The following RYR1 variants were observed in gnomAD, a reference collection of about 807,000 sequenced individuals.
RYR1 encodes central core disease of muscle.
In RYR1, 342 loss-of-function variants were observed where a neutral mutation model predicts 583.5. That is an observed-to-expected ratio of 0.59 (90% confidence interval 0.54 to 0.64). The LOEUF (loss-of-function observed/expected upper bound fraction) is 0.64. Among genes scored for constraint, RYR1 ranks in the 30% least tolerant of loss-of-function variants. The pLI, the probability that RYR1 is intolerant of heterozygous loss-of-function variation, is 0.00. For missense variants in RYR1, 6,032 were observed against 6,917.2 expected (o/e 0.87, Z 4.54); for synonymous variants, 2,791 against 2,822.5 (o/e 0.99, Z 0.35).
At chr19:38,453,073 GGGCGGGGCCAC>G in intron 13 of RYR1, 59 bp downstream of exon 13, 1 of 1,575,178 alleles carries the variant, frequency 6.3e-7, no homozygotes, top group Non-Finnish European at 8.7e-7. Context: ...GACCACTGAG[GGGCGGGGCCAC>G]GGCGCTGGGC....
At chr19:38,495,219 AG>A (rs535965419) in intron 39 of RYR1, among the ~76,000 whole-genome samples, 230 of 152,204 alleles carry the variant, frequency 1.5e-3, no homozygotes, top group Admixed American at 4.2e-3. Context: ...CCTACTCTGA[AG>A]GGTTGTGCTG....
chr19:38,517,437 G>A lies in RYR1; in HGVS notation c.9764G>A (p.Gly3255Glu), dbSNP rs1163320166. The change falls in exon 66 of 106, where the codon GGG becomes GAG. Residue 3255 changes from glycine (G) to glutamate (E), a missense_variant. By Grantham distance (98) the Gly-to-Glu change is moderately conservative. This residue lies in a region of RYR1 where 1,493 missense variants were observed against 1,715.5 expected (regional missense o/e 0.87). Coordinates refer to ENST00000359596, the MANE Select transcript of RYR1 (RefSeq NM_000540.3). ...GAGCGGCTCATGGCAGACATTGGGG[G>A]GCTGGCCGAGTCAGGTGCCCGCTAC... ...VLERLMADIGGLAESGARYTE... is the reference protein window; with the variant it reads ...VLERLMADIGELAESGARYTE... 3.1e-6 allele frequency: 5 copies of A among 1,613,938 alleles called. No homozygotes were observed. The African/African-American group carries it at 6.7e-5, about 22-fold the overall frequency.
intron 99 of RYR1, among the ~76,000 whole-genome samples, chr19:38,579,452 G>A (rs750108083): frequency 1.3e-5 from 2 of 151,390 alleles, no homozygotes; most frequent in East Asian, 1.9e-4. Context: ...AATTAGCTGG[G>A]TGTGGTTACC....
intron 20 of RYR1, among the ~76,000 whole-genome samples, chr19:38,462,961 A>G (rs766746414): frequency 4.1e-5 from 6 of 144,900 alleles, no homozygotes; most frequent in Admixed American, 1.5e-4. Context: ...CAGTGGCACA[A>G]TCTTGGCTCA....
chr19:38,577,796 A>G (rs1974023292), intron 97 of RYR1, 122 bp from the exon 98 acceptor site: 5 of 1,378,096 alleles, frequency 3.6e-6, no homozygotes, highest in Non-Finnish European at 5.0e-6. Flanking sequence ...ACTGTCTCAA[A>G]AAAAAAAATG....
intron 28 of RYR1, 29 bp downstream of exon 28, chr19:38,473,800 T>C (rs1232100978): frequency 6.8e-7 from 1 of 1,473,930 alleles, no homozygotes; most frequent in Non-Finnish European, 9.0e-7. Flanking sequence ...AGAGTGGGGA[T>C]TGGGGGCTGC....
In RYR1 at chr19:38,543,216, T is replaced by G; in HGVS notation, c.11690-131T>G. The G allele has an allele frequency of 1.3e-6, 1 of 784,120 alleles. No homozygotes were observed. The allele number at this position is 784,120 out of a possible 1,614,324, so 48.6% of individuals were successfully genotyped here. ...AGTACTTGATAGTTATTAAATAAAT[T>G]GATGATGATATGCTTTCTGGCATAC... On this transcript the variant is annotated intron_variant, in intron 84 of 105. Coordinates refer to ENST00000359596, the MANE Select transcript of RYR1 (RefSeq NM_000540.3). The surrounding 1 kb of genome is among the most constrained non-coding windows in gnomAD (Gnocchi z 4.4).
rs916928825 is a variant in RYR1, at chr19:38,536,766, C to T, written c.11607C>T (p.Asn3869=). The change falls in exon 83 of 106, where the codon AAC becomes AAT. Residue 3869 remains asparagine (N), a splice_region_variant and synonymous_variant. Transcript: ENST00000359596. Reference sequence around the variant, plus strand: ...CTGCCCCAGTCATCAATCGCCAGAACGGTAATTCCCCCAGCCCACCCCCGT... The same window carrying T: ...CTGCCCCAGTCATCAATCGCCAGAATGGTAATTCCCCCAGCCCACCCCCGT... ...NEDGTVINRQ[N]GEKVMADDEF... The T allele has an allele frequency of 4.3e-6, 7 of 1,613,734 alleles. No homozygotes were observed. The highest frequency in any genetic ancestry group is 1.7e-5 in the Admixed American group (1 of 59,968).
At chr19:38,568,581 CAAAAAAAAA>C (rs59369147) in intron 93 of RYR1, among the ~76,000 whole-genome samples, 1 of 64,900 alleles carries the variant, frequency 1.5e-5, no homozygotes, top group African/African-American at 4.4e-5. Flanking sequence ...ACTAAAAATA[CAAAAAAAAA>C]AAAAAAAAAA....
At position 38,512,492 on chromosome 19, in the gene RYR1, G is replaced by A. The variant is rs1392237616; in HGVS notation, c.9472+9G>A. The A allele has an allele frequency of 9.3e-6, 15 of 1,608,034 alleles. No individual in the cohort carries two copies. The highest frequency in any genetic ancestry group is 2.2e-5 in the East Asian group (1 of 44,894). On this transcript the variant is annotated intron_variant, in intron 63 of 105. Transcript: ENST00000359596. This position sits in a 1 kb window ranked among gnomAD's most constrained non-coding sequence, Gnocchi z 5.1. ...CGGAGATGACGTCATCCGTAAGGGC[G>A]CCTGACCCAAGGGCAGGTTGCGGGG...
In RYR1 at chr19:38,444,163, T is replaced by A. The variant is rs1972827404; in HGVS notation, c.439T>A (p.Trp147Arg). Residue 147 changes from tryptophan to arginine, a missense_variant, in exon 6 of 106, where the codon TGG (tryptophan) becomes AGG (arginine). Around this residue, in one of 11 missense-constraint regions of RYR1, gnomAD observed 338 missense variants for 441.6 expected, o/e 0.77. Coordinates refer to ENST00000359596, the MANE Select transcript of RYR1 (RefSeq NM_000540.3). This position sits in a 1 kb window ranked among gnomAD's most constrained non-coding sequence, Gnocchi z 5.1. ...CCCACCCATAGGAGAGGCTTGCTGG[T>A]GGACCATGCACCCAGCCTCCAAGCA... ...QEDATGEACW[W>R]TMHPASKQRS... is the part of the protein sequence containing the mutation. 6.2e-7 allele frequency: 1 copy of A among 1,613,744 alleles called. No homozygotes were observed. Among genetic ancestry groups the A allele is most frequent in the Non-Finnish European group, 8.5e-7 (1 of 1,179,746 alleles).
rs200124525 is a variant in RYR1 at position 38,504,400 on chromosome 19, G to A, written c.8067+40G>A. ...GAGCCCCAAAATGGCCTATGTGGAGGGTTTGGGGCCCAAAATTGGGGGTCC... is the reference window on the plus strand; with the variant it reads ...GAGCCCCAAAATGGCCTATGTGGAGAGTTTGGGGCCCAAAATTGGGGGTCC... On this transcript the variant is annotated intron_variant, in intron 50 of 105. Coordinates refer to ENST00000359596, the MANE Select transcript of RYR1 (RefSeq NM_000540.3). 236 of 1,602,964 alleles carry A rather than the reference G, an allele frequency of 1.5e-4. 1 individual carries two copies. Among genetic ancestry groups the A allele is most frequent in the Middle Eastern group, 1.7e-4 (1 of 5,998 alleles).
chr19:38,514,988 T>G (rs1970892855), intron 63 of RYR1, 38 bp from the exon 64 acceptor site: 5 of 1,488,642 alleles, frequency 3.4e-6, no homozygotes, highest in Non-Finnish European at 3.7e-6. Flanking sequence ...GCTTGTCTTG[T>G]GAGCGCATGC....
chr19:38,524,013 A>G, intron 70 of RYR1, 84 bp downstream of exon 70: 2 of 1,519,510 alleles, frequency 1.3e-6, no homozygotes, highest in Non-Finnish European at 9.0e-7. Flanking sequence ...GCCTCGAGAA[A>G]ACCCCTGCTT....
At chr19:38,504,670 C>A in intron 50 of RYR1, 78 bp from the exon 51 acceptor site, 2 of 1,570,294 alleles carry the variant, frequency 1.3e-6, no homozygotes, top group Non-Finnish European at 1.7e-6. Flanking sequence ...CTGATGATTG[C>A]AGTGTGTGAG....
At chr19:38,518,309 C>T (rs1971064728) in intron 66 of RYR1, among the ~76,000 whole-genome samples, 1 of 151,242 alleles carries the variant, frequency 6.6e-6, no homozygotes, top group Non-Finnish European at 1.5e-5. Context: ...CCTGTAATCC[C>T]AGCACTTTGA....
At position 38,456,962 on chromosome 19, in the gene RYR1, T is replaced by C. The variant is rs528853907; in HGVS notation, c.1792-535T>C. Among the ~76,000 whole-genome samples the C allele has an allele frequency of 4.6e-5, 6 of 130,786 alleles. No homozygotes were observed. In the East Asian group the frequency reaches 1.4e-3, roughly 31 times the overall value. 85.8% of individuals were successfully genotyped at this position (130,786 alleles called of 152,430 possible). A position where few individuals can be genotyped will look rare whatever the true frequency, so the allele number is the denominator to read the frequency against. On this transcript the variant is annotated intron_variant, in intron 16 of 105. Transcript: ENST00000359596. ...TCGGGAGGCTGAGGCAGGAGAATGA[T>C]GTGAACCCGGGAGGCAGAGCTTGCA...
chr19:38,451,300 C>T (rs1391306523), intron 11 of RYR1, among the ~76,000 whole-genome samples: 1 of 152,022 alleles, frequency 6.6e-6, no homozygotes, highest in Admixed American at 6.6e-5. Context: ...CTGGGGAGGT[C>T]GGCTTGGGGT....
Position 38,512,139 on chromosome 19 carries a change from C to T in RYR1, c.9233+7C>T. 6.2e-7 allele frequency: 1 copy of T among 1,614,154 alleles called. No individual in the cohort carries two copies. The highest frequency in any genetic ancestry group is 8.5e-7 in the Non-Finnish European group (1 of 1,180,024). ...CCCGCTCCCTGGATGCCAGGTAGGG[C>T]CATAGGCAGTGGCGCCCACTCCCAC... On this transcript the variant is annotated splice_region_variant and intron_variant, in intron 62 of 105. Coordinates refer to ENST00000359596, the MANE Select transcript of RYR1 (RefSeq NM_000540.3). The surrounding 1 kb of genome is among the most constrained non-coding windows in gnomAD (Gnocchi z 5.1).
Sources: gnomAD v4.1 joint callset for allele counts (sites outside exome capture counted in the v4.1 genomes callset) on GRCh38, gnomAD v4.1.1 for gene constraint, gnomAD v4.1.1 regional missense constraint, Gnocchi (gnomAD v3.1) non-coding constraint, MANE v1.5 for transcripts, NCBI Gene and HGNC (gene_info 2026-07-23, HGNC 2026-07-21) for gene names.